REV1: variants seen among roughly 807,000 people sequenced by gnomAD.
The protein encoded by REV1 is REV1 DNA directed polymerase, also known as translesion synthesis protein REV1.
Under a neutral mutation model 137.4 loss-of-function variants are expected in REV1, and 42 were observed. The observed-to-expected ratio is 0.31, with a 90% CI of 0.24 to 0.40. The LOEUF (loss-of-function observed/expected upper bound fraction) is 0.40. Among genes scored for constraint, REV1 ranks in the 10% least tolerant of loss-of-function variants. The pLI is 1.00. For missense variants in REV1, 1,282 were observed against 1,490.1 expected (o/e 0.86, Z 2.30); for synonymous variants, 524 against 519.2 (o/e 1.01, Z -0.12).
At chr2:99,408,766 T>G (rs989490938) in intron 14 of REV1, among the ~76,000 whole-genome samples, 3 of 152,204 alleles carry the variant, frequency 2.0e-5, no homozygotes, top group Non-Finnish European at 4.4e-5. Context: ...GGCTGTCCCA[T>G]TGCAAACAGA....
intron 1 of REV1, among the ~76,000 whole-genome samples, chr2:99,469,609 CCT>C (rs1685179660): frequency 6.6e-6 from 1 of 152,186 alleles, no homozygotes; most frequent in South Asian, 2.1e-4. Context: ...CACAAGACTT[CCT>C]CTTTCCATTC....
rs375533394 is a variant in REV1 at position 99,455,954 on chromosome 2, T to C, written c.182-6450A>G. 6.4e-4 allele frequency among the ~76,000 whole-genome samples: 97 copies of C among 152,254 alleles called. 1 individual carries two copies. The South Asian group carries it at 0.019, about 30-fold the overall frequency. On this transcript the variant is annotated intron_variant, in intron 3 of 22. Coordinates refer to ENST00000258428, the MANE Select transcript of REV1 (RefSeq NM_016316.4). ...ATCAAAAGACCTGGTCTTTTACCCATGTACTAAAGGAAGTAGAAAATAACC... is the reference window on the plus strand; with the variant it reads ...ATCAAAAGACCTGGTCTTTTACCCACGTACTAAAGGAAGTAGAAAATAACC...
chr2:99,419,907 C>T (rs990273007), intron 11 of REV1, among the ~76,000 whole-genome samples: 2 of 152,058 alleles, frequency 1.3e-5, no homozygotes, highest in Admixed American at 6.5e-5. Context: ...CAGAGATTCA[C>T]GAACAGGGAA....
intron 1 of REV1, among the ~76,000 whole-genome samples, chr2:99,478,000 A>G (rs1686176243): frequency 6.6e-6 from 1 of 152,228 alleles, no homozygotes; most frequent in Non-Finnish European, 1.5e-5. Context: ...TGGGAGGCCA[A>G]GGCAGGTGGA....
chr2:99,489,621 C>CCCCACGGCG (rs948004464), intron 1 of REV1, among the ~76,000 whole-genome samples, 196 bp downstream of exon 1: 6 of 149,022 alleles, frequency 4.0e-5, no homozygotes, highest in Non-Finnish European at 7.5e-5. Context: ...CTGCGAGCGT[C>CCCCACGGCG]AGGGGAAGGC....
intron 11 of REV1, 117 bp from the exon 12 acceptor site, chr2:99,419,064 G>C: frequency 1.1e-6 from 1 of 885,398 alleles, no homozygotes; most frequent in Non-Finnish European, 1.7e-6. Flanking sequence ...AATAAATTTT[G>C]ATTATTTCAA....
rs551322953 is a variant in REV1 at position 99,428,538 on chromosome 2, T to C, written c.1547+1302A>G. The stretch of plus-strand genomic sequence containing the variant: ...GTCATGAATGGAAAACAGTTTAAAA[T>C]ATAAGCATGCACGTTTGAACTTAAT... On this transcript the variant is annotated intron_variant, in intron 9 of 22. Coordinates refer to ENST00000258428, the MANE Select transcript of REV1 (RefSeq NM_016316.4). 5.3e-5 allele frequency among the ~76,000 whole-genome samples: 8 copies of C among 152,314 alleles called. No individual in the cohort carries two copies. The East Asian group carries it at 1.5e-3, about 29-fold the overall frequency.
intron 11 of REV1, 107 bp from the exon 12 acceptor site, chr2:99,419,054 A>T: frequency 1.0e-6 from 1 of 971,492 alleles, no homozygotes; most frequent in Non-Finnish European, 1.5e-6. Context: ...AAACAATGAA[A>T]ATAAATTTTG....
intron 15 of REV1, among the ~76,000 whole-genome samples, chr2:99,407,784 G>C (rs150669672): frequency 6.6e-6 from 1 of 152,222 alleles, no homozygotes; most frequent in East Asian, 1.9e-4. Flanking sequence ...ATGTATATTA[G>C]CCCCTGGTTA....
chr2:99,443,940 TC>T (rs1196784609), intron 4 of REV1, among the ~76,000 whole-genome samples: 2 of 152,192 alleles, frequency 1.3e-5, no homozygotes, highest in Non-Finnish European at 2.9e-5. Flanking sequence ...TGCCTCAGCT[TC>T]CCGAGTAGCT....
At chr2:99,458,751 A>G (rs1683812772) in intron 3 of REV1, among the ~76,000 whole-genome samples, 1 of 152,236 alleles carries the variant, frequency 6.6e-6, no homozygotes. Flanking sequence ...ATGCTCAGTG[A>G]AAAAAGCCAG....
At chr2:99,490,065 T>A (rs1027375784), upstream of REV1, 2 of 46,362 alleles carry the variant, frequency 4.3e-5, no homozygotes, top group Admixed American at 4.9e-4. Flanking sequence ...CCACGCCCCC[T>A]AGCGTTCCGC....
chr2:99,410,483 G>A (rs555440626), intron 14 of REV1, among the ~76,000 whole-genome samples: 10 of 152,280 alleles, frequency 6.6e-5, no homozygotes, highest in South Asian at 4.1e-4. Flanking sequence ...CAGCAATGCC[G>A]TCAAACCAAC....
In REV1 at chr2:99,401,154, T is replaced by A. The variant is rs1049425694; in HGVS notation, c.*87A>T. On this transcript the variant is annotated 3_prime_UTR_variant, in exon 23 of 23. Transcript: ENST00000258428. Reference sequence around the variant, plus strand: ...AAAAGAAATTTAAAATTATAAAAACTCCGAGCATTACTATCATGCACTTTG... The same window carrying A: ...AAAAGAAATTTAAAATTATAAAAACACCGAGCATTACTATCATGCACTTTG... The A allele has an allele frequency of 1.4e-6, 1 of 711,910 alleles. No homozygotes were observed. Among genetic ancestry groups the A allele is most frequent in the African/African-American group, 1.8e-5 (1 of 56,060 alleles). 44.1% of individuals were successfully genotyped at this position (711,910 alleles called of 1,614,324 possible).
chr2:99,446,739 C>T (rs1434075661), intron 4 of REV1, among the ~76,000 whole-genome samples: 1 of 152,130 alleles, frequency 6.6e-6, no homozygotes, highest in Non-Finnish European at 1.5e-5. Flanking sequence ...GTGATCCACC[C>T]ACCTTGGCCT....
At position 99,442,476 on chromosome 2, in the gene REV1, C is replaced by G; in HGVS notation, c.351-7G>C. The G allele has an allele frequency of 6.2e-7, 1 of 1,609,948 alleles. No individual in the cohort carries two copies. Among genetic ancestry groups the G allele is most frequent in the Non-Finnish European group, 8.5e-7 (1 of 1,178,560 alleles). On this transcript the variant is annotated splice_region_variant and splice_polypyrimidine_tract_variant and intron_variant, in intron 4 of 22. Coordinates refer to ENST00000258428, the MANE Select transcript of REV1 (RefSeq NM_016316.4). ...GAGTCGTCCAGCTTTGATGCTGAAACAAAAAGCAACACCAATTTAGAGTTC... is the reference window on the plus strand; with the variant it reads ...GAGTCGTCCAGCTTTGATGCTGAAAGAAAAAGCAACACCAATTTAGAGTTC...
intron 4 of REV1, among the ~76,000 whole-genome samples, chr2:99,447,654 A>G (rs1682387820): frequency 6.6e-6 from 1 of 152,130 alleles, no homozygotes. Context: ...ACATAACCAC[A>G]GCAGGCAGAT....
Position 99,405,938 on chromosome 2 carries a change from A to G in REV1, c.2783T>C (p.Leu928Pro). Residue 928 changes from leucine (L) to proline (P), a missense_variant, in exon 17 of 23, where the codon CTG becomes CCG. By Grantham distance (98) the Leu-to-Pro change is moderately conservative. Coordinates refer to ENST00000258428, the MANE Select transcript of REV1 (RefSeq NM_016316.4). ...TPVSVQSRLN[L>P]SIEVPSPSQL... ...GGAAGGTGACGGGACCTCTATACTC[A>G]GGTTAAGTCTCGACTGCACACTGAC... The G allele has an allele frequency of 6.3e-7, 1 of 1,596,218 alleles. No homozygotes were observed. The highest frequency in any genetic ancestry group is 8.5e-7 in the Non-Finnish European group (1 of 1,171,592).
In REV1 at chr2:99,406,392, T is replaced by C; in HGVS notation, c.2547A>G (p.Ser849=). 4 of 1,613,946 alleles carry C rather than the reference T, an allele frequency of 2.5e-6. No homozygotes were observed. In the South Asian group the frequency reaches 3.3e-5, roughly 13 times the overall value. ...CTTGGAAGACATCACGGACAGAGTA[T>C]GACCCACTAGGAAAGTGGCTTGACT... ...SVQSSHFPSG[S]YSVRDVFQVQ... The change falls in exon 16 of 23, where the codon TCA becomes TCG. Residue 849 remains serine (S), a synonymous_variant. Transcript: ENST00000258428.
Sources: gnomAD v4.1 joint callset for allele counts (sites outside exome capture counted in the v4.1 genomes callset) on GRCh38, gnomAD v4.1.1 for gene constraint, MANE v1.5 for transcripts, NCBI Gene and HGNC (gene_info 2026-07-23, HGNC 2026-07-21) for gene names.